SNAPC3: variants seen among roughly 807,000 people sequenced by gnomAD.
SNAPC3 encodes small nuclear RNA activating complex polypeptide 3.
In SNAPC3, 56 loss-of-function variants were observed where a neutral mutation model predicts 47.7. The observed-to-expected ratio is 1.18, with a 90% CI of 0.95 to 1.47. The LOEUF (loss-of-function observed/expected upper bound fraction) is 1.47, where lower values mean the gene tolerates loss of function less well. Ranked by LOEUF, SNAPC3 falls within the 40% of genes most tolerant of loss-of-function variation. SNAPC3 has a pLI of 0.00. For synonymous variants in SNAPC3, 235 were observed against 189.9 expected (o/e 1.24, Z -1.95); for missense variants, 665 against 511.3 (o/e 1.30, Z -2.90).
intron 2 of SNAPC3, among the ~76,000 whole-genome samples, chr9:15,429,103 G>A (rs2031820430): frequency 6.6e-6 from 1 of 152,124 alleles, no homozygotes; most frequent in African/African-American, 2.4e-5. Context: ...AGTCTTCTGT[G>A]CAAAAAGAAC....
At chr9:15,432,574 C>T (rs1224505665) in intron 2 of SNAPC3, among the ~76,000 whole-genome samples, 2 of 151,960 alleles carry the variant, frequency 1.3e-5, no homozygotes, top group Admixed American at 6.6e-5. Context: ...GCTGAAAGAA[C>T]GGGAGCTCCT....
In SNAPC3 at chr9:15,460,074, G is replaced by A. The variant is rs1194522905; in HGVS notation, c.*208G>A. ...TTTAATTTTATATTTATTCCAGATA[G>A]TATTTAATTTAGTGCTTTTTACCCA... On this transcript the variant is annotated 3_prime_UTR_variant, in exon 9 of 9. Transcript: ENST00000380821. 5.2e-6 allele frequency: 2 copies of A among 385,726 alleles called. No homozygotes were observed. The highest frequency in any genetic ancestry group is 2.1e-5 in the African/African-American group (1 of 48,388). 23.9% of individuals were successfully genotyped at this position (385,726 alleles called of 1,614,324 possible).
downstream of SNAPC3, among the ~76,000 whole-genome samples, chr9:15,466,374 G>A (rs1271599516): frequency 1.3e-5 from 2 of 150,626 alleles, no homozygotes; most frequent in African/African-American, 4.8e-5. Flanking sequence ...GTGAAACTCT[G>A]TCTCAAAGAA....
chr9:15,443,170 G>A (rs2033643757), intron 3 of SNAPC3, among the ~76,000 whole-genome samples: 1 of 152,170 alleles, frequency 6.6e-6, no homozygotes, highest in Non-Finnish European at 1.5e-5. Flanking sequence ...GGAGAGAGAG[G>A]GAGAGGGAGA....
chr9:15,423,141 A>G lies in SNAPC3; in HGVS notation c.262A>G (p.Arg88Gly), dbSNP rs749327463. Reference protein sequence around the residue: ...DSDREDAAVARDLDCSLEAAA... With the variant: ...DSDREDAAVAGDLDCSLEAAA... ...CGACCGGGAGGATGCCGCGGTGGCC[A>G]GGGATCTGGACTGCAGCCTGGAGGC... The change falls in exon 1 of 9, where the codon AGG becomes GGG. Residue 88 changes from arginine (R) to glycine (G), a missense_variant. By Grantham distance (125) the Arg-to-Gly change is moderately radical. Transcript: ENST00000380821. 20 of 1,564,120 alleles carry G rather than the reference A, an allele frequency of 1.3e-5. No homozygotes were observed. The Admixed American group carries it at 4.2e-4, about 33-fold the overall frequency.
intron 3 of SNAPC3, among the ~76,000 whole-genome samples, chr9:15,444,153 G>T (rs1205004239): frequency 6.6e-6 from 1 of 152,166 alleles, no homozygotes; most frequent in African/African-American, 2.4e-5. Flanking sequence ...AAAGCATAGG[G>T]TTTAGAGCCA....
intron 2 of SNAPC3, among the ~76,000 whole-genome samples, chr9:15,427,140 A>G (rs1280598656): frequency 6.6e-6 from 1 of 152,228 alleles, no homozygotes; most frequent in Non-Finnish European, 1.5e-5. Flanking sequence ...AAGGGACCAA[A>G]GGTAGTTGGT....
Position 15,447,226 on chromosome 9 carries a change from C to A in SNAPC3, c.714C>A (p.Ala238=). 1 of 1,614,036 alleles carries A rather than the reference C, an allele frequency of 6.2e-7. No homozygotes were observed. The highest frequency in any genetic ancestry group is 8.5e-7 in the Non-Finnish European group (1 of 1,179,986). The change falls in exon 5 of 9, where the codon GCC becomes GCA. Residue 238 remains alanine, a synonymous_variant. Transcript: ENST00000380821. ...AATTCAGCAACACTCCTGACCAAGC[C>A]CCTGAGCACATCAGCAAAGTAAGGT... ...GGEFSNTPDQ[A]PEHISKDLYK...
downstream of SNAPC3, chr9:15,465,586 G>GA (rs762250850): frequency 1.9e-6 from 3 of 1,566,352 alleles, no homozygotes; most frequent in Non-Finnish European, 2.6e-6. Context: ...ATGGCCTGAA[G>GA]AAAAGGGGGA....
chr9:15,465,884 C>A, downstream of SNAPC3: 1 of 276,466 alleles, frequency 3.6e-6, no homozygotes, highest in East Asian at 7.1e-5. Context: ...CTTTAAAGAA[C>A]ATGAGAATGT....
At chr9:15,451,680 G>T (rs1046681600) in intron 6 of SNAPC3, among the ~76,000 whole-genome samples, 1 of 151,820 alleles carries the variant, frequency 6.6e-6, no homozygotes, top group Non-Finnish European at 1.5e-5. Context: ...TTCCAGCCTG[G>T]GTAATATAGC....
At chr9:15,449,563 ATTTTTTTTTT>A in intron 5 of SNAPC3, among the ~76,000 whole-genome samples, 1 of 39,510 alleles carries the variant, frequency 2.5e-5, no homozygotes, top group African/African-American at 1.1e-4. Context: ...ATATATATAT[ATTTTTTTTTT>A]TTTTTTTTTT....
chr9:15,447,654 T>G (rs1472460090), intron 5 of SNAPC3, among the ~76,000 whole-genome samples: 1 of 152,206 alleles, frequency 6.6e-6, no homozygotes, highest in East Asian at 1.9e-4. Flanking sequence ...TTATGTAACT[T>G]GACCTCACTG....
At chr9:15,435,115 T>C (rs896085349) in intron 3 of SNAPC3, among the ~76,000 whole-genome samples, 1 of 152,154 alleles carries the variant, frequency 6.6e-6, no homozygotes, top group African/African-American at 2.4e-5. Context: ...TCCTTGTGGG[T>C]GTGAAGTAGT....
intron 3 of SNAPC3, among the ~76,000 whole-genome samples, chr9:15,438,810 C>A (rs968538352): frequency 6.6e-6 from 1 of 151,956 alleles, no homozygotes; most frequent in Non-Finnish European, 1.5e-5. Context: ...TTGAGAAGAA[C>A]CTGTATTCAG....
chr9:15,465,655 C>T (rs2035574378), downstream of SNAPC3: 29 of 1,257,452 alleles, frequency 2.3e-5, no homozygotes, highest in Non-Finnish European at 3.0e-5. Context: ...ATTAAGTCTG[C>T]ATTATATTTT....
At chr9:15,444,428 T>G (rs78485720) in intron 3 of SNAPC3, among the ~76,000 whole-genome samples, 174 bp from the exon 4 acceptor site, 1 of 152,250 alleles carries the variant, frequency 6.6e-6, no homozygotes, top group Non-Finnish European at 1.5e-5. Flanking sequence ...TCTGTTTGTT[T>G]ATTGAAAGAA....
chr9:15,453,255 C>A, intron 7 of SNAPC3, 50 bp downstream of exon 7: 1 of 1,417,996 alleles, frequency 7.1e-7, no homozygotes, highest in Non-Finnish European at 9.7e-7. Context: ...TTCTTTATTT[C>A]AGAGTACAAA....
Position 15,429,637 on chromosome 9 carries a change from A to C in SNAPC3, c.393-3915A>C, listed in dbSNP as rs374738085. On this transcript the variant is annotated intron_variant, in intron 2 of 8. Transcript: ENST00000380821. ...GAGTAGAAAGGTAACCAGTAGAACA[A>C]TAATAGAAATATCAACTCCCCCTCA... Among the ~76,000 whole-genome samples the C allele has an allele frequency of 3.9e-5, 6 of 152,344 alleles. No homozygotes were observed. The East Asian group carries it at 9.6e-4, about 24-fold the overall frequency.
Sources: allele counts gnomAD v4.1 joint callset (sites outside exome capture counted in the v4.1 genomes callset), GRCh38; gene constraint gnomAD v4.1.1; transcripts MANE v1.5; gene names NCBI Gene and HGNC (gene_info 2026-07-23, HGNC 2026-07-21).